The following BUB1B variants were observed in gnomAD, a reference collection of about 807,000 sequenced individuals.
BUB1B encodes the protein mitotic checkpoint serine/threonine-protein kinase BUB1 beta.
In BUB1B, 86 loss-of-function variants were observed where a neutral mutation model predicts 137.7. The ratio of observed to expected loss-of-function variants is 0.62; its 90% confidence interval spans 0.52 to 0.75. The LOEUF is 0.75. Among genes scored for constraint, BUB1B ranks in the 30% least tolerant of loss-of-function variants. The pLI is 0.00. For synonymous variants in BUB1B, 420 were observed against 417.9 expected (o/e 1.00, Z -0.06); for missense variants, 1,130 against 1,236.9 (o/e 0.91, Z 1.30).
At chr15:40,166,605 GC>G (rs1370805867) in intron 2 of BUB1B, 1 of 218,996 alleles carries the variant, frequency 4.6e-6, no homozygotes, top group Non-Finnish European at 9.3e-6. Flanking sequence ...CTCCCAAAGT[GC>G]TGGGATTACA....
chr15:40,184,979 G>C (rs543980580), intron 6 of BUB1B, among the ~76,000 whole-genome samples, 186 bp from the exon 7 acceptor site: 1 of 152,062 alleles, frequency 6.6e-6, no homozygotes, highest in East Asian at 1.9e-4. Flanking sequence ...AAGTAACAAA[G>C]AATGGATAAA....
chr15:40,167,778 AT>A (rs35026977), intron 2 of BUB1B, among the ~76,000 whole-genome samples: 2,575 of 148,014 alleles, frequency 0.017, 27 homozygotes, highest in Non-Finnish European at 0.022. Context: ...CATTTGTTAG[AT>A]TTTTTTTTTT....
intron 1 of BUB1B, among the ~76,000 whole-genome samples, chr15:40,163,593 C>T (rs991949292): frequency 1.3e-5 from 2 of 152,200 alleles, no homozygotes; most frequent in African/African-American, 4.8e-5. Context: ...AACCCACCAA[C>T]ACTATGACTG....
Position 40,175,444 on chromosome 15 carries a change from G to A in BUB1B, c.385-1033G>A, listed in dbSNP as rs551019048. Among the ~76,000 whole-genome samples, 7 of 152,222 alleles carry A rather than the reference G, an allele frequency of 4.6e-5. No homozygotes were observed. The South Asian group carries it at 6.2e-4, about 14-fold the overall frequency. On this transcript the variant is annotated intron_variant, in intron 4 of 22. Coordinates refer to ENST00000287598, the MANE Select transcript of BUB1B (RefSeq NM_001211.6). ...ATAATGGTTAAGTGTAAGCAGCAGCGTGGAAAAGTGAATGATGCAGTATTA... is the reference window on the plus strand; with the variant it reads ...ATAATGGTTAAGTGTAAGCAGCAGCATGGAAAAGTGAATGATGCAGTATTA...
intron 5 of BUB1B, among the ~76,000 whole-genome samples, chr15:40,178,938 A>C (rs1411806140): frequency 1.3e-5 from 2 of 151,954 alleles, no homozygotes; most frequent in African/African-American, 4.8e-5. Context: ...TTGTATAATC[A>C]TCATTACAAT....
Position 40,205,251 on chromosome 15 carries a change from A to T in BUB1B, c.1735-933A>T, listed in dbSNP as rs1595531003. On this transcript the variant is annotated intron_variant, in intron 14 of 22. Coordinates refer to ENST00000287598, the MANE Select transcript of BUB1B (RefSeq NM_001211.6). ...CGTGAGCCACTGCACCCGGCCTATA[A>T]TTTTTTTTTTAACTATACTTTGTTT... Among the ~76,000 whole-genome samples the T allele has an allele frequency of 5.3e-5, 8 of 150,306 alleles. 1 individual carries two copies. The South Asian group carries it at 1.5e-3, about 28-fold the overall frequency.
Position 40,212,567 on chromosome 15 carries a change from T to C in BUB1B, c.2454T>C (p.Asp818=), listed in dbSNP as rs749203600. Residue 818 remains aspartate (D), a synonymous_variant, in exon 19 of 23, where the codon GAT becomes GAC. Coordinates refer to ENST00000287598, the MANE Select transcript of BUB1B (RefSeq NM_001211.6). ...AGTTAAAGGAACGTTTAAATGAAGA[T>C]TTTGATCATTTTTGCAGCTGTTATC... ...NLKLKERLNE[D]FDHFCSCYQY... is the part of the protein sequence containing the mutation. 1.6e-5 allele frequency: 26 copies of C among 1,613,078 alleles called. No individual in the cohort carries two copies. Among genetic ancestry groups the C allele is most frequent in the Non-Finnish European group, 2.2e-5 (26 of 1,179,284 alleles).
chr15:40,193,599 C>T (rs1217138759), intron 8 of BUB1B, among the ~76,000 whole-genome samples: 5 of 149,198 alleles, frequency 3.4e-5, no homozygotes, highest in Admixed American at 6.8e-5. Flanking sequence ...CCATGCCTGG[C>T]TAATTTTTTT....
At chr15:40,200,032 A>C (rs1461402152) in intron 10 of BUB1B, 1 of 601,696 alleles carries the variant, frequency 1.7e-6, no homozygotes, top group East Asian at 2.8e-5. Flanking sequence ...TTGCCTAAAG[A>C]AATTTAGTAT....
chr15:40,176,288 A>G (rs962672304), intron 4 of BUB1B, among the ~76,000 whole-genome samples, 189 bp from the exon 5 acceptor site: 12 of 151,006 alleles, frequency 7.9e-5, no homozygotes, highest in Non-Finnish European at 1.6e-4. Context: ...TTACTCTCCA[A>G]CTCTTCTTAC....
chr15:40,164,943 A>G (rs2037078030), intron 1 of BUB1B, 110 bp from the exon 2 acceptor site: 1 of 1,343,404 alleles, frequency 7.4e-7, no homozygotes, highest in Non-Finnish European at 1.1e-6. Context: ...TCAGTCCACT[A>G]TATTCAACCC....
chr15:40,191,187 C>T (rs1387715059), intron 8 of BUB1B, among the ~76,000 whole-genome samples: 1 of 152,172 alleles, frequency 6.6e-6, no homozygotes, highest in Non-Finnish European at 1.5e-5. Context: ...TGCGCCTGGC[C>T]AGAATGACTT....
intron 2 of BUB1B, among the ~76,000 whole-genome samples, chr15:40,167,777 G>A (rs1009110843): frequency 6.0e-5 from 7 of 116,540 alleles, no homozygotes; most frequent in African/African-American, 1.9e-4. Flanking sequence ...TCATTTGTTA[G>A]ATTTTTTTTT....
intron 14 of BUB1B, among the ~76,000 whole-genome samples, chr15:40,204,543 T>A (rs1466189894): frequency 6.6e-6 from 1 of 151,786 alleles, no homozygotes; most frequent in Non-Finnish European, 1.5e-5. Flanking sequence ...TAAGCTAATA[T>A]GGCCATAAGT....
chr15:40,169,381 A>G (rs920205824), intron 2 of BUB1B, among the ~76,000 whole-genome samples: 20 of 151,988 alleles, frequency 1.3e-4, no homozygotes, highest in Non-Finnish European at 2.5e-4. Context: ...TATTATCCCC[A>G]TTTTACAAAT....
chr15:40,221,112 G>A lies in BUB1B; in HGVS notation c.*353G>A. The A allele has an allele frequency of 3.1e-6, 1 of 321,480 alleles. No individual in the cohort carries two copies. The highest frequency in any genetic ancestry group is 5.8e-6 in the Non-Finnish European group (1 of 171,036). 19.9% of individuals were successfully genotyped at this position (321,480 alleles called of 1,614,324 possible). A position where few individuals can be genotyped will look rare whatever the true frequency, so the allele number is the denominator to read the frequency against. ...CATGTATTTTGTAAATAATAAAATA[G>A]TATCTGTTAAATTTGTGCTTCTAAC... is the stretch of plus-strand genomic sequence containing the variant. On this transcript the variant is annotated 3_prime_UTR_variant, in exon 23 of 23. Transcript: ENST00000287598.
intron 11 of BUB1B, 32 bp from the exon 12 acceptor site, chr15:40,200,899 G>T: frequency 6.2e-7 from 1 of 1,604,408 alleles, no homozygotes; most frequent in South Asian, 1.1e-5. Context: ...TGTGGGTATT[G>T]AGCACATGAT....
chr15:40,189,165 G>GT (rs2037406938), intron 8 of BUB1B, among the ~76,000 whole-genome samples: 2 of 151,150 alleles, frequency 1.3e-5, no homozygotes, highest in Admixed American at 6.6e-5. Context: ...TTGTTTGTTT[G>GT]TTTTTTGTGT....
At chr15:40,171,116 T>A (rs1204071997) in intron 4 of BUB1B, among the ~76,000 whole-genome samples, 3 of 152,094 alleles carry the variant, frequency 2.0e-5, no homozygotes, top group African/African-American at 7.2e-5. Context: ...TTTTAATTTT[T>A]AATAGAGATG....
Sources: allele counts gnomAD v4.1 joint callset (sites outside exome capture counted in the v4.1 genomes callset), GRCh38; gene constraint gnomAD v4.1.1; transcripts MANE v1.5; gene names NCBI Gene and HGNC (gene_info 2026-07-23, HGNC 2026-07-21).